Variants in REV1 observed in about 807,000 individuals in gnomAD.
The protein encoded by REV1 is translesion synthesis protein REV1.
In REV1, 42 loss-of-function variants were observed where a neutral mutation model predicts 137.4. The observed-to-expected ratio is 0.31, with a 90% confidence interval of 0.24 to 0.40. REV1 has a LOEUF of 0.40. Ranked by LOEUF, REV1 falls within the 10% of genes least tolerant of loss-of-function variation. The probability of loss-of-function intolerance (pLI) is 1.00; values close to 1 mark genes in which losing one functional copy is unlikely to be tolerated. For synonymous variants in REV1, 524 were observed against 519.2 expected, an observed-to-expected ratio of 1.01 and a Z score of -0.12; for missense variants, 1,282 against 1,490.1, an observed-to-expected ratio of 0.86 and a Z score of 2.30.
At chr2:99,471,404 C>A (rs1300096198) in intron 1 of REV1, among the ~76,000 whole-genome samples, 1 of 149,112 alleles carries the variant, frequency 6.7e-6, no homozygotes, top group Admixed American at 6.8e-5. Flanking sequence ...GAAGTTGGAC[C>A]TTTACACCAT....
At chr2:99,459,129 A>G (rs952497759) in intron 3 of REV1, among the ~76,000 whole-genome samples, 4 of 151,402 alleles carry the variant, frequency 2.6e-5, no homozygotes, top group Non-Finnish European at 5.9e-5. Flanking sequence ...AATGGTGTGA[A>G]CCCGGGAGGC....
At chr2:99,402,150 TAC>T (rs1359454619) in intron 22 of REV1, 92 bp downstream of exon 22, 3 of 620,190 alleles carry the variant, frequency 4.8e-6, no homozygotes, top group South Asian at 2.1e-5. Flanking sequence ...CCCTAATGAG[TAC>T]AGTTTCCCAG....
intron 17 of REV1, 105 bp from the exon 18 acceptor site, chr2:99,404,782 A>G: frequency 1.3e-6 from 1 of 797,674 alleles, no homozygotes; most frequent in South Asian, 1.5e-5. Context: ...ACTGTGGATA[A>G]TCAATGTAAG....
intron 18 of REV1, 50 bp downstream of exon 18, chr2:99,404,394 G>T (rs547527578): frequency 6.8e-7 from 1 of 1,480,484 alleles, no homozygotes; most frequent in Non-Finnish European, 9.4e-7. Context: ...GTTGGAGCAG[G>T]GGGGTGAGAA....
chr2:99,442,664 G>A (rs112711733), intron 4 of REV1, among the ~76,000 whole-genome samples, 195 bp from the exon 5 acceptor site: 1,525 of 152,210 alleles, frequency 0.01, 28 homozygotes, highest in African/African-American at 0.034. Flanking sequence ...TGCAAGCACA[G>A]AGCTGAACTA....
Position 99,429,824 on chromosome 2 carries a change from C to T in REV1, c.1547+16G>A, listed in dbSNP as rs149520268. ...AAATTATTCATTAAGAATTGTAACACACAACTTCTACATACCTGGCCTCAT... is the reference window on the plus strand; with the variant it reads ...AAATTATTCATTAAGAATTGTAACATACAACTTCTACATACCTGGCCTCAT... On this transcript the variant is annotated intron_variant, in intron 9 of 22. Coordinates refer to ENST00000258428, the MANE Select transcript of REV1 (RefSeq NM_016316.4). 34 of 1,431,410 alleles carry T rather than the reference C, an allele frequency of 2.4e-5. No individual in the cohort carries two copies. The East Asian group carries it at 8.1e-4, about 34-fold the overall frequency. 88.7% of individuals were successfully genotyped at this position (1,431,410 alleles called of 1,614,324 possible).
At chr2:99,453,892 CAAAAAAAA>C (rs58291328) in intron 3 of REV1, among the ~76,000 whole-genome samples, 7 of 48,036 alleles carry the variant, frequency 1.5e-4, no homozygotes, top group African/African-American at 4.9e-4. Flanking sequence ...GGCTCTGTCT[CAAAAAAAA>C]AAAAAAAAAA....
chr2:99,480,489 A>G (rs1041530742), intron 1 of REV1, among the ~76,000 whole-genome samples: 1 of 152,234 alleles, frequency 6.6e-6, no homozygotes, highest in African/African-American at 2.4e-5. Flanking sequence ...AGTTTTAAGC[A>G]AGTGTAAATT....
At chr2:99,403,134 A>G in intron 19 of REV1, 28 bp from the exon 20 acceptor site, 1 of 1,494,768 alleles carries the variant, frequency 6.7e-7, no homozygotes. Context: ...TAAGATCCTC[A>G]ACAAAATGAT....
At chr2:99,457,050 G>C (rs9308821) in intron 3 of REV1, among the ~76,000 whole-genome samples, 24,691 of 152,064 alleles carry the variant, frequency 0.16, 2,514 homozygotes, top group African/African-American at 0.27. Flanking sequence ...ATTCCTTTAT[G>C]AAGTATTCAC....
At chr2:99,409,305 A>T (rs561940552) in intron 14 of REV1, among the ~76,000 whole-genome samples, 11 of 152,340 alleles carry the variant, frequency 7.2e-5, no homozygotes, top group African/African-American at 2.6e-4. Flanking sequence ...GTTTAAGAGC[A>T]GTCGTCTCAC....
chr2:99,468,115 G>A (rs1203305372), intron 1 of REV1, among the ~76,000 whole-genome samples: 15 of 151,880 alleles, frequency 9.9e-5, no homozygotes, highest in Non-Finnish European at 2.9e-5. Flanking sequence ...GGGAGGCGGA[G>A]GTTGCGGTGA....
chr2:99,425,387 G>A (rs3792150), intron 9 of REV1, among the ~76,000 whole-genome samples: 39,330 of 152,076 alleles, frequency 0.26, 5,249 homozygotes, highest in Admixed American at 0.34. Context: ...TACCTAAGAG[G>A]AAGGAAAATG....
intron 1 of REV1, among the ~76,000 whole-genome samples, chr2:99,473,555 A>G (rs1052937871): frequency 1.3e-5 from 2 of 152,176 alleles, no homozygotes; most frequent in Non-Finnish European, 2.9e-5. Flanking sequence ...TGTATTTAAG[A>G]TATCTTTTAA....
At chr2:99,478,872 G>A (rs996460777) in intron 1 of REV1, among the ~76,000 whole-genome samples, 4 of 152,108 alleles carry the variant, frequency 2.6e-5, no homozygotes, top group Admixed American at 1.3e-4. Flanking sequence ...GGTTTTGCCT[G>A]TACCTAAAAA....
intron 14 of REV1, chr2:99,408,449 C>T (rs932636107): frequency 7.2e-5 from 13 of 179,352 alleles, no homozygotes; most frequent in African/African-American, 2.8e-4. Context: ...CAAATAAATA[C>T]ATATTTTCCA....
At chr2:99,445,478 A>G (rs1248437262) in intron 4 of REV1, among the ~76,000 whole-genome samples, 3 of 152,212 alleles carry the variant, frequency 2.0e-5, no homozygotes, top group Non-Finnish European at 4.4e-5. Context: ...TACAAGGATC[A>G]ACACAAAATC....
chr2:99,442,408 C>T lies in REV1; in HGVS notation c.412G>A (p.Val138Met), dbSNP rs3087403. ...GGATTAAAGCTGAGACCTTTCTGCA[C>T]ACTGGACTGCTTGGTGTACAGCTGA... ...PYQLYTKQSSVQKGLSFNPVC... is the reference protein window; with the variant it reads ...PYQLYTKQSSMQKGLSFNPVC... The change falls in exon 5 of 23, where the codon GTG becomes ATG. Residue 138 changes from valine to methionine, a missense_variant. Val to Met is a conservative substitution (Grantham distance 21). Around this residue, in one of 7 missense-constraint regions of REV1, gnomAD observed 107 missense variants for 164.3 expected, o/e 0.65. Coordinates refer to ENST00000258428, the MANE Select transcript of REV1 (RefSeq NM_016316.4). 436,651 of 1,612,946 alleles carry T rather than the reference C, an allele frequency of 0.27. 61,510 individuals carry two copies. The highest frequency in any genetic ancestry group is 0.4 in the Admixed American group (23,969 of 59,936).
At chr2:99,439,911 G>GA (rs1343856645) in intron 5 of REV1, among the ~76,000 whole-genome samples, 1 of 152,120 alleles carries the variant, frequency 6.6e-6, no homozygotes, top group African/African-American at 2.4e-5. Context: ...GTTTCAGTAG[G>GA]AAAAAAACTG....
Sources: gnomAD v4.1 joint callset for allele counts (sites outside exome capture counted in the v4.1 genomes callset) on GRCh38, gnomAD v4.1.1 for gene constraint, gnomAD v4.1.1 regional missense constraint, MANE v1.5 for transcripts, NCBI Gene and HGNC (gene_info 2026-07-23, HGNC 2026-07-21) for gene names.